IMPACT: variants seen among roughly 807,000 people sequenced by gnomAD.
IMPACT encodes protein IMPACT.
In IMPACT, 35 loss-of-function variants were observed where a neutral mutation model predicts 47.5. The ratio of observed to expected loss-of-function variants is 0.74; its 90% CI spans 0.56 to 0.98. The LOEUF (loss-of-function observed/expected upper bound fraction) is 0.98, where lower values mean the gene tolerates loss of function less well. IMPACT is among the 50% of genes least tolerant of loss of function. The pLI, the probability that IMPACT is intolerant of heterozygous loss-of-function variation, is 0.00. For missense variants in IMPACT, 373 were observed against 394.8 expected (o/e 0.94, Z 0.47); for synonymous variants, 118 against 125.6 (o/e 0.94, Z 0.40).
chr18:24,436,284 G>A (rs1467214645), intron 4 of IMPACT, among the ~76,000 whole-genome samples: 3 of 151,728 alleles, frequency 2.0e-5, no homozygotes, highest in South Asian at 2.1e-4. Context: ...TTGCTGTGTC[G>A]CCCAGGCTGG....
At chr18:24,434,498 C>T (rs766182660) in intron 4 of IMPACT, among the ~76,000 whole-genome samples, 14 of 151,822 alleles carry the variant, frequency 9.2e-5, no homozygotes, top group African/African-American at 2.2e-4. Context: ...ATTGGCCAGG[C>T]GCAGTGGCTC....
chr18:24,429,275 A>G lies in IMPACT; in HGVS notation c.218+354A>G, dbSNP rs140800326. Among the ~76,000 whole-genome samples, 584 of 152,178 alleles carry G rather than the reference A, an allele frequency of 3.8e-3. 1 individual carries two copies. Among genetic ancestry groups the G allele is most frequent in the Non-Finnish European group, 5.9e-3 (403 of 68,000 alleles). On this transcript the variant is annotated intron_variant, in intron 3 of 10. Transcript: ENST00000284202. Reference sequence around the variant, plus strand: ...TGACCTAGCCACAGTTCCTTGATGTACCTGTAAGACTGCCTGCCTTCCAGG... The same window carrying G: ...TGACCTAGCCACAGTTCCTTGATGTGCCTGTAAGACTGCCTGCCTTCCAGG...
At chr18:24,439,467 C>T (rs1371954852) in intron 5 of IMPACT, 1 of 152,278 alleles carries the variant, frequency 6.6e-6, no homozygotes, top group African/African-American at 2.4e-5. Context: ...GAAACCCCGT[C>T]TGTACTAAAA....
At chr18:24,435,414 G>A (rs1908902404) in intron 4 of IMPACT, 1 of 152,146 alleles carries the variant, frequency 6.6e-6, no homozygotes, top group Non-Finnish European at 1.5e-5. Flanking sequence ...GTTTTTTATA[G>A]TATTTGACTT....
At chr18:24,436,153 C>T (rs913105643) in intron 4 of IMPACT, among the ~76,000 whole-genome samples, 3 of 152,144 alleles carry the variant, frequency 2.0e-5, no homozygotes, top group African/African-American at 4.8e-5. Flanking sequence ...TAAATAGTGT[C>T]ATCTCTTTGT....
At chr18:24,444,133 T>C (rs191682662) in intron 7 of IMPACT, among the ~76,000 whole-genome samples, 1 of 152,320 alleles carries the variant, frequency 6.6e-6, no homozygotes, top group Non-Finnish European at 1.5e-5. Flanking sequence ...TCTGGTCTTT[T>C]CTCTCAGGAA....
At chr18:24,426,832 C>G in intron 1 of IMPACT, 40 bp downstream of exon 1, 1 of 1,227,570 alleles carries the variant, frequency 8.1e-7, no homozygotes, top group African/African-American at 1.6e-5. Flanking sequence ...AGGCTCGGCT[C>G]CGGCTCGCCT....
intron 4 of IMPACT, 51 bp downstream of exon 4, chr18:24,430,435 G>A: frequency 7.3e-7 from 1 of 1,365,822 alleles, no homozygotes; most frequent in Non-Finnish European, 1.0e-6. Context: ...TTGTATTGTG[G>A]GCTTTTGTTG....
intron 4 of IMPACT, among the ~76,000 whole-genome samples, chr18:24,433,509 T>G (rs1908819462): frequency 1.3e-5 from 2 of 151,206 alleles, no homozygotes; most frequent in South Asian, 4.2e-4. Flanking sequence ...AACTTTTTTT[T>G]TTTTTAAATA....
At chr18:24,450,664 T>G in intron 10 of IMPACT, 115 bp from the exon 11 acceptor site, 1 of 642,982 alleles carries the variant, frequency 1.6e-6, no homozygotes, top group Non-Finnish European at 2.7e-6. Flanking sequence ...CATACATACA[T>G]ATATGTATGA....
intron 2 of IMPACT, 50 bp downstream of exon 2, chr18:24,428,097 A>T (rs751413080): frequency 6.8e-7 from 1 of 1,480,820 alleles, no homozygotes; most frequent in African/African-American, 1.4e-5. Context: ...AGTATGAACT[A>T]TATTGTTGAC....
rs527647187 is a variant in IMPACT, at chr18:24,453,448, A to T, written c.*2601A>T. 4 of 152,180 alleles carry T rather than the reference A, an allele frequency of 2.6e-5. No homozygotes were observed. In the East Asian group the frequency reaches 7.7e-4, roughly 29 times the overall value. 9.4% of individuals were successfully genotyped at this position (152,180 alleles called of 1,614,324 possible). On this transcript the variant is annotated 3_prime_UTR_variant, in exon 11 of 11. Transcript: ENST00000284202. ...CCATAAAAATGGTATTAAACTGTAT[A>T]TACTGTTTTGTAGCCTACATATTTC...
chr18:24,440,677 T>TATCA, intron 6 of IMPACT, 59 bp downstream of exon 6: 1 of 1,340,340 alleles, frequency 7.5e-7, no homozygotes, highest in South Asian at 1.7e-5. Context: ...TTATGTATTG[T>TATCA]TCTTTGAGAT....
rs1427250500 is a variant in IMPACT at position 24,441,474 on chromosome 18, G to A, written c.490+856G>A. Among the ~76,000 whole-genome samples the A allele has an allele frequency of 3.9e-5, 6 of 152,266 alleles. No homozygotes were observed. In the East Asian group the frequency reaches 7.7e-4, roughly 20 times the overall value. ...GATTATTATAGGCGTGAGCCACCAC[G>A]CCCGGCCTAGTTTTCGTTTAAACAA... On this transcript the variant is annotated intron_variant, in intron 6 of 10. Coordinates refer to ENST00000284202, the MANE Select transcript of IMPACT (RefSeq NM_018439.4).
rs550214716 is a variant in IMPACT at position 24,446,419 on chromosome 18, T to C, written c.668+953T>C. ...AATTAAGAGTATTTCTTTTACTACA[T>C]GAGTTTCAGTTTTGAGAATTCAGGT... On this transcript the variant is annotated intron_variant, in intron 8 of 10. Transcript: ENST00000284202. Among the ~76,000 whole-genome samples the C allele has an allele frequency of 2.6e-5, 4 of 152,362 alleles. No homozygotes were observed. The East Asian group carries it at 7.7e-4, about 29-fold the overall frequency.
intron 1 of IMPACT, 79 bp downstream of exon 1, chr18:24,426,871 G>T: frequency 1.9e-6 from 2 of 1,057,932 alleles, no homozygotes. Flanking sequence ...CAGCCGAGGG[G>T]CCCTCCGCCT....
rs1010092114 is a variant in IMPACT, at chr18:24,450,665, ATATG to A, written c.895-109_895-106del. Reference sequence around the variant, plus strand: ...CTGTAACATATATACATACATACATATATGTATGAATATATGTGGAATATATATG... The same window carrying A: ...CTGTAACATATATACATACATACATATATGAATATATGTGGAATATATATG... On this transcript the variant is annotated intron_variant, in intron 10 of 10. Coordinates refer to ENST00000284202, the MANE Select transcript of IMPACT (RefSeq NM_018439.4). 6.2e-6 allele frequency: 4 copies of A among 640,356 alleles called. No individual in the cohort carries two copies. In the Admixed American group the frequency reaches 1.2e-4, roughly 19 times the overall value. The allele number at this position is 640,356 out of a possible 1,614,324, so 39.7% of individuals were successfully genotyped here. A position where few individuals can be genotyped will look rare whatever the true frequency, so the allele number is the denominator to read the frequency against.
chr18:24,437,575 A>T (rs1221815346), intron 4 of IMPACT, among the ~76,000 whole-genome samples: 3 of 152,210 alleles, frequency 2.0e-5, no homozygotes, highest in African/African-American at 7.2e-5. Flanking sequence ...TGAAATTCTT[A>T]AAAAACTTTA....
chr18:24,433,992 T>G (rs1485886329), intron 4 of IMPACT, among the ~76,000 whole-genome samples: 1 of 152,034 alleles, frequency 6.6e-6, no homozygotes, highest in Non-Finnish European at 1.5e-5. Context: ...CTTTTAATCA[T>G]ATTTTCCATA....
Sources: gnomAD v4.1 joint callset for allele counts (sites outside exome capture counted in the v4.1 genomes callset) on GRCh38, gnomAD v4.1.1 for gene constraint, MANE v1.5 for transcripts, NCBI Gene and HGNC (gene_info 2026-07-23, HGNC 2026-07-21) for gene names.